Variants in ZSCAN9 observed in about 807,000 individuals in gnomAD.
The protein encoded by ZSCAN9 is zinc finger and SCAN domain-containing protein 9.
ZSCAN9 carries 19 observed loss-of-function variants against 23.0 expected under a neutral mutation model. The ratio of observed to expected loss-of-function variants is 0.83; its 90% CI spans 0.58 to 1.21. The LOEUF (loss-of-function observed/expected upper bound fraction) is 1.21, where lower values mean the gene tolerates loss of function less well. Among genes scored for constraint, ZSCAN9 ranks in the 50% most tolerant of loss-of-function variants. ZSCAN9 has a pLI of 0.00. For synonymous variants in ZSCAN9, 155 were observed against 164.8 expected, an observed-to-expected ratio of 0.94 and a Z score of 0.46; for missense variants, 467 against 471.5, an observed-to-expected ratio of 0.99 and a Z score of 0.09.
intron 3 of ZSCAN9, chr6:28,228,424 T>C (rs1760188817): frequency 4.0e-6 from 1 of 248,314 alleles, no homozygotes; most frequent in Non-Finnish European, 7.7e-6. Flanking sequence ...CACATGGCCT[T>C]TCTTCTGTAT....
At chr6:28,231,323 G>A (rs1182877107) in intron 3 of ZSCAN9, among the ~76,000 whole-genome samples, 1 of 152,182 alleles carries the variant, frequency 6.6e-6, no homozygotes, top group Non-Finnish European at 1.5e-5. Flanking sequence ...GCTACTATGT[G>A]TGCAACAGGC....
rs766044323 is a variant in ZSCAN9, at chr6:28,232,976, A to G, written c.983A>G (p.His328Arg). The G allele has an allele frequency of 1.2e-6, 2 of 1,614,244 alleles. No homozygotes were observed. Among genetic ancestry groups the G allele is most frequent in the African/African-American group, 1.3e-5 (1 of 75,058 alleles). Reference sequence around the variant, plus strand: ...AGTCAGAGTGCGGGTCTTATCCAGCATCAGAGAATCCACAAAGGAGAAAAG... The same window carrying G: ...AGTCAGAGTGCGGGTCTTATCCAGCGTCAGAGAATCCACAAAGGAGAAAAG... The part of the protein sequence containing the change: ...VFSQSAGLIQ[H>R]QRIHKGEKPY... The change falls in exon 4 of 4, where the codon CAT becomes CGT. Residue 328 changes from histidine to arginine, a missense_variant. His to Arg is a conservative substitution (Grantham distance 29, BLOSUM62 0). Coordinates refer to ENST00000252207, the MANE Select transcript of ZSCAN9 (RefSeq NM_006299.5).
intron 3 of ZSCAN9, chr6:28,230,256 A>G: frequency 3.1e-6 from 4 of 1,282,620 alleles, no homozygotes; most frequent in Non-Finnish European, 4.2e-6. Flanking sequence ...TAAGTCATGA[A>G]AGTTGTATAA....
In ZSCAN9 at chr6:28,233,400, A is replaced by G. The variant is rs1393394943; in HGVS notation, c.*222A>G. Reference sequence around the variant, plus strand: ...TACTCTTACTAGCTGTGTCCCTCTTATTTATAATTTATTTATTTTTTTGAG... The same window carrying G: ...TACTCTTACTAGCTGTGTCCCTCTTGTTTATAATTTATTTATTTTTTTGAG... On this transcript the variant is annotated 3_prime_UTR_variant, in exon 4 of 4. Coordinates refer to ENST00000252207, the MANE Select transcript of ZSCAN9 (RefSeq NM_006299.5). 15 of 592,018 alleles carry G rather than the reference A, an allele frequency of 2.5e-5. No individual in the cohort carries two copies. The South Asian group carries it at 3.6e-4, about 14-fold the overall frequency. 36.7% of individuals were successfully genotyped at this position (592,018 alleles called of 1,614,324 possible). A position where few individuals can be genotyped will look rare whatever the true frequency, so the allele number is the denominator to read the frequency against.
intron 3 of ZSCAN9, 115 bp from the exon 4 acceptor site, chr6:28,232,447 A>G (rs1320251216): frequency 6.7e-7 from 1 of 1,483,504 alleles, no homozygotes; most frequent in Non-Finnish European, 8.9e-7. Flanking sequence ...TTACCACACT[A>G]GCCCTTCTGT....
chr6:28,229,985 G>A (rs1221345603), intron 3 of ZSCAN9, among the ~76,000 whole-genome samples: 4 of 151,750 alleles, frequency 2.6e-5, no homozygotes, highest in South Asian at 4.1e-4. Context: ...AGCCTCCCAA[G>A]TAGCTGGGAC....
In ZSCAN9 at chr6:28,227,196, T is replaced by C; in HGVS notation, c.112T>C (p.Ser38Pro). The change falls in exon 2 of 4, where the codon TCC becomes CCC. Residue 38 changes from serine to proline, a missense_variant. Ser to Pro is a moderately conservative substitution (Grantham distance 74). Transcript: ENST00000252207. ...AAAAAGTCACCTTCAATGGCAGGAA[T>C]CCAGACTGAAACGCAGTAATCCACT... ...EAKSHLQWQE[S>P]RLKRSNPLAR... The C allele has an allele frequency of 6.2e-7, 1 of 1,614,174 alleles. No homozygotes were observed. The highest frequency in any genetic ancestry group is 8.5e-7 in the Non-Finnish European group (1 of 1,180,046).
At chr6:28,225,674 A>G (rs1268232525) in intron 1 of ZSCAN9, among the ~76,000 whole-genome samples, 1 of 152,240 alleles carries the variant, frequency 6.6e-6, no homozygotes, top group African/African-American at 2.4e-5. Context: ...AGACTTTGGC[A>G]GCCTTCACGA....
intron 3 of ZSCAN9, among the ~76,000 whole-genome samples, chr6:28,231,699 A>T (rs966141019): frequency 6.6e-6 from 1 of 151,164 alleles, no homozygotes; most frequent in Non-Finnish European, 1.5e-5. Flanking sequence ...GATTACAGTG[A>T]GCCAAGGGGC....
At chr6:28,228,042 T>C (rs2113650090) in intron 3 of ZSCAN9, 2 of 716,232 alleles carry the variant, frequency 2.8e-6, no homozygotes, top group Non-Finnish European at 5.0e-6. Flanking sequence ...CCTGGAAGCT[T>C]TCTGGACTTC....
rs1271605015 is a variant in ZSCAN9, at chr6:28,233,203, A to G, written c.*25A>G. ...GGGCTTGGCTATGAGCAAGTTTTCCAGATCACCACCCAAGTTGTGTGGGGC... is the reference window on the plus strand; with the variant it reads ...GGGCTTGGCTATGAGCAAGTTTTCCGGATCACCACCCAAGTTGTGTGGGGC... On this transcript the variant is annotated 3_prime_UTR_variant, in exon 4 of 4. Transcript: ENST00000252207. 6.3e-7 allele frequency: 1 copy of G among 1,598,382 alleles called. No homozygotes were observed. Among genetic ancestry groups the G allele is most frequent in the Non-Finnish European group, 8.5e-7 (1 of 1,170,170 alleles).
rs772077413 is a variant in ZSCAN9, at chr6:28,231,187, C to A, written c.569-1375C>A. On this transcript the variant is annotated intron_variant, in intron 3 of 3. Coordinates refer to ENST00000252207, the MANE Select transcript of ZSCAN9 (RefSeq NM_006299.5). The stretch of plus-strand genomic sequence containing the variant: ...AACAATAACTAATAATAAAATGGAA[C>A]AATTACAATTATAATAATATGCCAG... Among the ~76,000 whole-genome samples the A allele has an allele frequency of 5.3e-5, 8 of 152,080 alleles. No individual in the cohort carries two copies. In the South Asian group the frequency reaches 1.2e-3, roughly 24 times the overall value.
intron 3 of ZSCAN9, among the ~76,000 whole-genome samples, chr6:28,229,900 C>T (rs1760243324): frequency 1.3e-5 from 2 of 151,414 alleles, no homozygotes; most frequent in Admixed American, 1.3e-4. Context: ...CTCTGTCGCC[C>T]AGGCTGGAAT....
chr6:28,230,152 T>C (rs192728494), intron 3 of ZSCAN9, among the ~76,000 whole-genome samples: 4 of 152,314 alleles, frequency 2.6e-5, no homozygotes, highest in South Asian at 2.1e-4. Context: ...TCACAGCGCC[T>C]GGCCCATATT....
intron 3 of ZSCAN9, chr6:28,230,193 T>C (rs1339305364): frequency 4.1e-6 from 3 of 732,034 alleles, no homozygotes; most frequent in Non-Finnish European, 6.3e-6. Context: ...GATGGGATAA[T>C]AACATCGAGT....
chr6:28,230,275 C>G, intron 3 of ZSCAN9: 1 of 1,389,258 alleles, frequency 7.2e-7, no homozygotes, highest in Non-Finnish European at 9.5e-7. Flanking sequence ...AAATGGTAAT[C>G]ATTAAAAGGT....
rs191280065 is a variant in ZSCAN9, at chr6:28,226,305, T to C, written c.-73-707T>C. On this transcript the variant is annotated intron_variant, in intron 1 of 3. Coordinates refer to ENST00000252207, the MANE Select transcript of ZSCAN9 (RefSeq NM_006299.5). ...CCACCTAAGCCTTTCTTTCTGTAAA[T>C]TTAGTGAAAATAATACTAACCTTAA... is the stretch of plus-strand genomic sequence containing the variant. Among the ~76,000 whole-genome samples the C allele has an allele frequency of 1.2e-4, 19 of 152,346 alleles. No individual in the cohort carries two copies. The South Asian group carries it at 2.5e-3, about 20-fold the overall frequency.
intron 3 of ZSCAN9, chr6:28,228,202 C>T: frequency 1.7e-6 from 1 of 600,096 alleles, no homozygotes; most frequent in Non-Finnish European, 2.9e-6. Context: ...CACTTGACCT[C>T]AGATCCCTCA....
At chr6:28,225,272 G>C (rs1461104556), upstream of ZSCAN9, 4 of 152,096 alleles carry the variant, frequency 2.6e-5, no homozygotes, top group African/African-American at 7.2e-5. Context: ...AGGAGAGGTC[G>C]GCATCTTTGT....
Sources: gnomAD v4.1 joint callset for allele counts (sites outside exome capture counted in the v4.1 genomes callset) on GRCh38, gnomAD v4.1.1 for gene constraint, MANE v1.5 for transcripts, NCBI Gene and HGNC (gene_info 2026-07-23, HGNC 2026-07-21) for gene names.